The following ZXDC variants were observed in gnomAD, a reference collection of about 807,000 sequenced individuals.
The protein encoded by ZXDC is zinc finger protein ZXDC.
In ZXDC, 58 loss-of-function variants were observed where a neutral mutation model predicts 63.6. The observed-to-expected ratio is 0.91, with a 90% confidence interval of 0.74 to 1.13. The LOEUF (loss-of-function observed/expected upper bound fraction) is 1.13, where lower values mean the gene tolerates loss of function less well. Among genes scored for constraint, ZXDC ranks in the 50% most tolerant of loss-of-function variants. The probability of loss-of-function intolerance (pLI) is 0.00; values close to 1 mark genes in which losing one functional copy is unlikely to be tolerated. For synonymous variants in ZXDC, 561 were observed against 496.1 expected (o/e 1.13, Z -1.74); for missense variants, 1,133 against 1,148.9 (o/e 0.99, Z 0.20).
At chr3:126,444,963 C>A (rs1000738549) in intron 7 of ZXDC, among the ~76,000 whole-genome samples, 1 of 152,060 alleles carries the variant, frequency 6.6e-6, no homozygotes, top group African/African-American at 2.4e-5. Context: ...ACTTTTACAA[C>A]AGGAAAAAAG....
chr3:126,460,103 C>G, intron 6 of ZXDC: 1 of 985,448 alleles, frequency 1.0e-6, no homozygotes, highest in Non-Finnish European at 1.2e-6. Flanking sequence ...CGACACTTTT[C>G]ACGCTGTTTC....
At chr3:126,466,349 G>A (rs775459844) in intron 4 of ZXDC, 24 bp from the exon 5 acceptor site, 4 of 1,613,926 alleles carry the variant, frequency 2.5e-6, no homozygotes, top group Non-Finnish European at 3.4e-6. Context: ...AGTAATGAGA[G>A]TGAAACCCAA....
At chr3:126,459,511 ACT>A in intron 7 of ZXDC, 140 bp downstream of exon 7, 1 of 1,494,940 alleles carries the variant, frequency 6.7e-7, no homozygotes. Flanking sequence ...TTCAAATAAA[ACT>A]AAGGAGTTGA....
chr3:126,443,394 T>G (rs1933754720), intron 7 of ZXDC: 1 of 152,238 alleles, frequency 6.6e-6, no homozygotes, highest in South Asian at 2.1e-4. Flanking sequence ...GCACAAAACT[T>G]ACTCACCCCT....
chr3:126,472,420 G>A, intron 1 of ZXDC, 115 bp from the exon 2 acceptor site: 5 of 1,294,874 alleles, frequency 3.9e-6, no homozygotes, highest in Non-Finnish European at 5.3e-6. Flanking sequence ...GGGAAAACAT[G>A]ACTCAGAAGC....
intron 4 of ZXDC, among the ~76,000 whole-genome samples, chr3:126,469,293 G>A (rs1030784950): frequency 1.6e-4 from 24 of 152,024 alleles, no homozygotes; most frequent in African/African-American, 2.2e-4. Context: ...TGTCTGCTTC[G>A]CTCCCTGCCT....
At chr3:126,451,908 A>G in intron 7 of ZXDC, 2 of 985,420 alleles carry the variant, frequency 2.0e-6, no homozygotes, top group Non-Finnish European at 2.4e-6. Flanking sequence ...AGGCGTGAAC[A>G]GAGTTACTGC....
Position 126,475,168 on chromosome 3 carries a change from T to C in ZXDC, c.698A>G (p.Asp233Gly), listed in dbSNP as rs1446274703. The C allele has an allele frequency of 6.9e-6, 11 of 1,602,870 alleles. No homozygotes were observed. The highest frequency in any genetic ancestry group is 1.6e-4 in the Middle Eastern group (1 of 6,072). ...TGGACAGCCGAAGGGCCGCAGCTTG[T>C]CGTGCGACTGCAGGTGCCGCTTGAG... is the stretch of plus-strand genomic sequence containing the variant. ...YKLKRHLQSHDKLRPFGCPVG... is the reference protein window; with the variant it reads ...YKLKRHLQSHGKLRPFGCPVG... Residue 233 changes from aspartate (D) to glycine (G), a missense_variant, in exon 1 of 10, where the codon GAC (aspartate) becomes GGC (glycine). Asp to Gly is a moderately conservative substitution (Grantham distance 94). Coordinates refer to ENST00000389709, the MANE Select transcript of ZXDC (RefSeq NM_025112.5).
intron 6 of ZXDC, chr3:126,461,306 AT>A: frequency 7.4e-7 from 1 of 1,349,696 alleles, no homozygotes; most frequent in Non-Finnish European, 9.5e-7. Context: ...CTCAGAAAGC[AT>A]TTAGCCAAAT....
At chr3:126,449,809 T>C (rs1040449539) in intron 7 of ZXDC, among the ~76,000 whole-genome samples, 4 of 152,150 alleles carry the variant, frequency 2.6e-5, no homozygotes, top group Non-Finnish European at 4.4e-5. Flanking sequence ...AGGCCAGGTG[T>C]CTGCCATGCA....
chr3:126,439,637 G>A lies in ZXDC; in HGVS notation c.2485C>T (p.Leu829Phe), dbSNP rs938114241. 7.7e-6 allele frequency: 12 copies of A among 1,552,994 alleles called. No individual in the cohort carries two copies. Among genetic ancestry groups the A allele is most frequent in the Non-Finnish European group, 1.0e-5 (12 of 1,147,662 alleles). Residue 829 changes from leucine to phenylalanine, a missense_variant, in exon 9 of 10, where the codon CTC (leucine) becomes TTC (phenylalanine). Coordinates refer to ENST00000389709, the MANE Select transcript of ZXDC (RefSeq NM_025112.5). Reference sequence around the variant, plus strand: ...GGGCAGTAAGGCATCCAGACCTGGAGGACGTAGACGGGCAGGTCCACAGTG... The same window carrying A: ...GGGCAGTAAGGCATCCAGACCTGGAAGACGTAGACGGGCAGGTCCACAGTG... ...FLTVDLPVYV[L>F]QEVLPSSGGP...
At position 126,460,644 on chromosome 3, in the gene ZXDC, T is replaced by C. The variant is rs1383560701; in HGVS notation, c.2127+891A>G. 6 of 985,284 alleles carry C rather than the reference T, an allele frequency of 6.1e-6. No individual in the cohort carries two copies. In the East Asian group the frequency reaches 3.4e-4, roughly 56 times the overall value. The allele number at this position is 985,284 out of a possible 1,614,324, so 61.0% of individuals were successfully genotyped here. A position where few individuals can be genotyped will look rare whatever the true frequency, so the allele number is the denominator to read the frequency against. ...TCACCTGTACACTTAGCAACTACTA[T>C]GGCCGCCTAAGCAAATGCCGGCAAG... On this transcript the variant is annotated intron_variant, in intron 6 of 9. Transcript: ENST00000389709.
At chr3:126,448,241 G>C (rs1338995743) in intron 7 of ZXDC, among the ~76,000 whole-genome samples, 1 of 152,198 alleles carries the variant, frequency 6.6e-6, no homozygotes, top group Non-Finnish European at 1.5e-5. Flanking sequence ...GCTTTTATTT[G>C]AGGTCTGCGC....
At chr3:126,455,007 C>G (rs1455568934) in intron 7 of ZXDC, 27 of 985,304 alleles carry the variant, frequency 2.7e-5, no homozygotes, top group Non-Finnish European at 3.3e-5. Context: ...GGCTCCTAAC[C>G]ACATGCACAA....
intron 7 of ZXDC, among the ~76,000 whole-genome samples, chr3:126,447,859 G>A (rs866436234): frequency 6.6e-6 from 1 of 152,208 alleles, no homozygotes; most frequent in African/African-American, 2.4e-5. Context: ...TCCATGTGCT[G>A]GTATTTCACT....
chr3:126,460,246 T>C (rs1399234357), intron 6 of ZXDC: 2 of 727,430 alleles, frequency 2.7e-6, no homozygotes, highest in Non-Finnish European at 3.4e-6. Context: ...TTCAGGAACT[T>C]GCCTGAGGGA....
At chr3:126,447,929 G>T (rs914455300) in intron 7 of ZXDC, among the ~76,000 whole-genome samples, 1 of 152,190 alleles carries the variant, frequency 6.6e-6, no homozygotes, top group Non-Finnish European at 1.5e-5. Context: ...TGCATACCAC[G>T]TGGCCAACAG....
intron 1 of ZXDC, among the ~76,000 whole-genome samples, chr3:126,472,834 G>T (rs367829500): frequency 1.3e-5 from 2 of 151,880 alleles, no homozygotes; most frequent in Admixed American, 6.6e-5. Context: ...TTTTCCTTTC[G>T]CAATTTCCTT....
chr3:126,475,698 C>A lies in ZXDC; in HGVS notation c.168G>T (p.Gly56=). 1.5e-6 allele frequency: 2 copies of A among 1,301,916 alleles called. No homozygotes were observed. The highest frequency in any genetic ancestry group is 6.8e-5 in the East Asian group (2 of 29,476). 80.6% of individuals were successfully genotyped at this position (1,301,916 alleles called of 1,614,324 possible). A position where few individuals can be genotyped will look rare whatever the true frequency, so the allele number is the denominator to read the frequency against. Residue 56 remains glycine (G), a synonymous_variant, in exon 1 of 10, where the codon GGG becomes GGT. Transcript: ENST00000389709. The part of the protein sequence containing the change: ...PEDGGPGARP[G]EASGPSPPPA... Reference sequence around the variant, plus strand: ...GCGGCGGGCTTGGCCCGGAGGCCTCCCCGGGCCGCGCCCCGGGCCCGCCAT... The same window carrying A: ...GCGGCGGGCTTGGCCCGGAGGCCTCACCGGGCCGCGCCCCGGGCCCGCCAT...
Sources: allele counts gnomAD v4.1 joint callset (sites outside exome capture counted in the v4.1 genomes callset), GRCh38; gene constraint gnomAD v4.1.1; transcripts MANE v1.5; gene names NCBI Gene and HGNC (gene_info 2026-07-23, HGNC 2026-07-21).